PCDH11X: variants seen among roughly 807,000 people sequenced by gnomAD.
PCDH11X encodes protocadherin 11 X-linked, also known as protocadherin-11 X-linked.
PCDH11X carries 18 observed loss-of-function variants against 53.3 expected under a neutral mutation model. That is an observed-to-expected ratio of 0.34 (90% CI 0.23 to 0.50). The LOEUF (loss-of-function observed/expected upper bound fraction) is 0.50. Ranked by LOEUF, PCDH11X falls within the 20% of genes least tolerant of loss-of-function variation. The pLI, the probability that PCDH11X is intolerant of heterozygous loss-of-function variation, is 0.98. For missense variants in PCDH11X, 570 were observed against 1,032.4 expected, an observed-to-expected ratio of 0.55 and a Z score of 6.14; for synonymous variants, 279 against 393.3, an observed-to-expected ratio of 0.71 and a Z score of 3.44.
At position 92,200,743 on chromosome X, in the gene PCDH11X, G is replaced by A. The variant is rs147769161; in HGVS notation, c.3034-632G>A. 9.5e-3 allele frequency among the ~76,000 whole-genome samples: 1,064 copies of A among 111,594 alleles called. 10 individuals carry two copies. Among genetic ancestry groups the A allele is most frequent in the African/African-American group, 0.033 (1,021 of 30,726 alleles). Reference sequence around the variant, plus strand: ...TGGCAAATAGCAAATTTGTGTTGTGGTGGCGCACACAAGATTGATTTTAAT... The same window carrying A: ...TGGCAAATAGCAAATTTGTGTTGTGATGGCGCACACAAGATTGATTTTAAT... On this transcript the variant is annotated intron_variant, in intron 6 of 10. Transcript: ENST00000682573.
At chrX:92,015,308 A>C (rs376145072) in intron 6 of PCDH11X, among the ~76,000 whole-genome samples, 29 of 111,591 alleles carry the variant, frequency 2.6e-4, no homozygotes, top group East Asian at 2.5e-3. Context: ...GGGGTGGTGG[A>C]TGCTGAAGTT....
At chrX:92,246,631 G>A (rs1239136252) in intron 7 of PCDH11X, among the ~76,000 whole-genome samples, 1 of 111,750 alleles carries the variant, frequency 8.9e-6, no homozygotes, top group African/African-American at 3.3e-5. Flanking sequence ...GATTATAGGT[G>A]TAAGCCACCG....
At chrX:92,505,152 C>CTTTTTTTTTTTTTTTTTTTTTTTTTTTTT (rs58620449) in intron 10 of PCDH11X, among the ~76,000 whole-genome samples, 3 of 64,272 alleles carry the variant, frequency 4.7e-5, no homozygotes, top group African/African-American at 6.6e-5. Context: ...TTTCTTTTTT[C>CTTTTTTTTTTTTTTTTTTTTTTTTTTTTT]TTTTTTTTTT....
intron 5 of PCDH11X, among the ~76,000 whole-genome samples, chrX:91,854,635 C>G (rs1938217418): frequency 8.9e-6 from 1 of 112,096 alleles, no homozygotes; most frequent in Non-Finnish European, 1.9e-5. Flanking sequence ...ACAAGGATTC[C>G]CTTTTCTCCA....
chrX:91,847,814 T>G (rs1937766651), intron 5 of PCDH11X, among the ~76,000 whole-genome samples: 1 of 111,766 alleles, frequency 8.9e-6, no homozygotes, highest in South Asian at 3.7e-4. Context: ...AGCTAAATTT[T>G]ACACACACAA....
chrX:92,131,452 C>T (rs1037151785), intron 6 of PCDH11X, among the ~76,000 whole-genome samples: 5 of 111,275 alleles, frequency 4.5e-5, no homozygotes, highest in Non-Finnish European at 5.6e-5. Context: ...AACTGAGGGT[C>T]GGGCTGCTAT....
Position 91,802,921 on chromosome X carries a change from A to G in PCDH11X, c.-378-6545A>G, listed in dbSNP as rs370862143. ...TTGGAGAAGTCTTTATGAATAATGCATACTTCTGGACGAAGTGAGATTTGA... is the reference window on the plus strand; with the variant it reads ...TTGGAGAAGTCTTTATGAATAATGCGTACTTCTGGACGAAGTGAGATTTGA... On this transcript the variant is annotated intron_variant, in intron 1 of 10. Coordinates refer to ENST00000682573, the MANE Select transcript of PCDH11X (RefSeq NM_032968.5). Among the ~76,000 whole-genome samples the G allele has an allele frequency of 1.4e-3, 151 of 111,046 alleles. 1 individual carries two copies. In the South Asian group the frequency reaches 0.056, roughly 41 times the overall value.
chrX:91,908,804 CAAAA>C (rs202059670), intron 6 of PCDH11X, among the ~76,000 whole-genome samples: 1 of 79,579 alleles, frequency 1.3e-5, no homozygotes. Context: ...GACTCTGTCT[CAAAA>C]AAAAAAAAAA....
intron 6 of PCDH11X, among the ~76,000 whole-genome samples, chrX:92,064,757 G>C (rs2476078): frequency 9.1e-6 from 1 of 109,333 alleles, no homozygotes; most frequent in Non-Finnish European, 1.9e-5. Context: ...TCTCCCCGGG[G>C]GAGGCAGTTT....
chrX:91,892,356 AC>A (rs1174707714), intron 6 of PCDH11X, among the ~76,000 whole-genome samples: 1 of 107,642 alleles, frequency 9.3e-6, no homozygotes, highest in Non-Finnish European at 1.9e-5. Flanking sequence ...TACTCCTAAA[AC>A]ACAGGTCTGA....
intron 8 of PCDH11X, among the ~76,000 whole-genome samples, chrX:92,339,894 A>G (rs1416502351): frequency 2.7e-5 from 3 of 109,860 alleles, no homozygotes; most frequent in Non-Finnish European, 5.7e-5. Flanking sequence ...GTCCCCCCAA[A>G]TCTTATCTCA....
chrX:92,245,670 T>C (rs1293743889), intron 7 of PCDH11X, among the ~76,000 whole-genome samples: 2 of 111,862 alleles, frequency 1.8e-5, no homozygotes, highest in Non-Finnish European at 3.8e-5. Flanking sequence ...CAAAAATTTA[T>C]CCTAAGCTGT....
intron 6 of PCDH11X, among the ~76,000 whole-genome samples, chrX:92,172,174 G>T (rs1368966039): frequency 9.0e-6 from 1 of 110,570 alleles, no homozygotes; most frequent in African/African-American, 3.3e-5. Flanking sequence ...CCAGTGCAAT[G>T]TTTAATTGCT....
chrX:92,217,974 A>T (rs919216633), intron 7 of PCDH11X, among the ~76,000 whole-genome samples: 1 of 108,632 alleles, frequency 9.2e-6, no homozygotes, highest in Non-Finnish European at 1.9e-5. Context: ...AACGAAATGA[A>T]GGCAGAAATA....
At chrX:92,346,480 A>G (rs369806209) in intron 8 of PCDH11X, among the ~76,000 whole-genome samples, 1 of 111,160 alleles carries the variant, frequency 9.0e-6, no homozygotes, top group East Asian at 2.8e-4. Context: ...TTCCCATAAT[A>G]TAAATAAAAC....
chrX:92,576,011 TACACAC>T (rs1243169398), intron 10 of PCDH11X, among the ~76,000 whole-genome samples: 4 of 28,097 alleles, frequency 1.4e-4, no homozygotes, highest in Non-Finnish European at 2.5e-4. Flanking sequence ...TATATATATA[TACACAC>T]ACACACACAC....
intron 6 of PCDH11X, among the ~76,000 whole-genome samples, chrX:92,062,990 C>T (rs1053633528): frequency 2.7e-5 from 3 of 111,455 alleles, no homozygotes; most frequent in East Asian, 2.8e-4. Flanking sequence ...GGCACATATA[C>T]GCCATGGAAT....
At chrX:92,166,008 T>G (rs1184842474) in intron 6 of PCDH11X, among the ~76,000 whole-genome samples, 2 of 111,467 alleles carry the variant, frequency 1.8e-5, no homozygotes, top group Admixed American at 1.9e-4. Context: ...GTGAGCATAT[T>G]GATAGGGATT....
chrX:92,284,572 A>G (rs778804167), intron 8 of PCDH11X, among the ~76,000 whole-genome samples: 1 of 112,473 alleles, frequency 8.9e-6, no homozygotes, highest in South Asian at 3.6e-4. Flanking sequence ...ACCCTCTTCC[A>G]TATTGGTACC....
Sources: gnomAD v4.1 joint callset for allele counts (sites outside exome capture counted in the v4.1 genomes callset) on GRCh38, gnomAD v4.1.1 for gene constraint, MANE v1.5 for transcripts, NCBI Gene and HGNC (gene_info 2026-07-23, HGNC 2026-07-21) for gene names.